The following NPAS3 variants were observed in gnomAD, a reference collection of about 807,000 sequenced individuals.
The protein encoded by NPAS3 is neuronal PAS domain protein 3.
NPAS3 carries 14 observed loss-of-function variants against 73.1 expected under a neutral mutation model. The ratio of observed to expected loss-of-function variants is 0.19; its 90% confidence interval spans 0.13 to 0.30. The LOEUF is 0.30. Ranked by LOEUF, NPAS3 falls within the 10% of genes least tolerant of loss-of-function variation. The pLI is 1.00. For synonymous variants in NPAS3, 620 were observed against 541.5 expected (o/e 1.14, Z -2.01); for missense variants, 1,096 against 1,250.0 (o/e 0.88, Z 1.86).
chr14:33,504,979 G>A (rs1001034302), intron 4 of NPAS3, among the ~76,000 whole-genome samples: 8 of 151,904 alleles, frequency 5.3e-5, no homozygotes, highest in African/African-American at 9.7e-5. Flanking sequence ...TGGAAAGACC[G>A]GCCAATAATT....
chr14:32,939,603 C>T (rs1450049989), intron 1 of NPAS3, among the ~76,000 whole-genome samples: 2 of 111,154 alleles, frequency 1.8e-5, no homozygotes, highest in African/African-American at 7.3e-5. Context: ...CTCGGCTCGG[C>T]GAATAGAGTG....
At chr14:33,194,485 T>C (rs2046280713) in intron 2 of NPAS3, among the ~76,000 whole-genome samples, 1 of 152,154 alleles carries the variant, frequency 6.6e-6, no homozygotes, top group South Asian at 2.1e-4. Context: ...ACTTAAACAG[T>C]GTTTATACTA....
chr14:33,701,687 G>T (rs2060527018), intron 6 of NPAS3, among the ~76,000 whole-genome samples: 1 of 152,138 alleles, frequency 6.6e-6, no homozygotes. Flanking sequence ...TTCTACACAG[G>T]AGTATTTAGA....
intron 2 of NPAS3, among the ~76,000 whole-genome samples, chr14:33,119,975 A>G (rs2043182322): frequency 6.6e-6 from 1 of 152,012 alleles, no homozygotes; most frequent in South Asian, 2.1e-4. Flanking sequence ...GTCATTAAAG[A>G]TCATCTCTGC....
intron 1 of NPAS3, among the ~76,000 whole-genome samples, chr14:32,977,662 G>A (rs1486061466): frequency 6.6e-6 from 1 of 152,136 alleles, no homozygotes; most frequent in Non-Finnish European, 1.5e-5. Context: ...AGCCCAGGAG[G>A]TTGAGGCTGC....
At chr14:32,981,127 A>T (rs887663963) in intron 1 of NPAS3, among the ~76,000 whole-genome samples, 3 of 152,098 alleles carry the variant, frequency 2.0e-5, no homozygotes, top group East Asian at 3.9e-4. Context: ...CAGGTTTGGC[A>T]TTTCTCCTCA....
At chr14:32,984,516 A>G (rs2038022649) in intron 1 of NPAS3, among the ~76,000 whole-genome samples, 1 of 152,212 alleles carries the variant, frequency 6.6e-6, no homozygotes, top group Non-Finnish European at 1.5e-5. Context: ...GTAACTAAAT[A>G]CTTATGCTTC....
chr14:33,497,321 C>G (rs2052251794), intron 4 of NPAS3, among the ~76,000 whole-genome samples: 1 of 152,138 alleles, frequency 6.6e-6, no homozygotes, highest in Non-Finnish European at 1.5e-5. Flanking sequence ...CTACCATTTT[C>G]TTTCCTCACA....
At chr14:33,419,368 G>A (rs189270280) in intron 4 of NPAS3, among the ~76,000 whole-genome samples, 24 of 151,886 alleles carry the variant, frequency 1.6e-4, no homozygotes, top group Non-Finnish European at 2.5e-4. Flanking sequence ...TATAAATTAT[G>A]TATATTTTAT....
At chr14:33,662,538 G>T (rs890245391) in intron 5 of NPAS3, among the ~76,000 whole-genome samples, 2 of 152,184 alleles carry the variant, frequency 1.3e-5, no homozygotes, top group African/African-American at 4.8e-5. Context: ...ATTACCTTGG[G>T]CAGTATGGCC....
intron 4 of NPAS3, among the ~76,000 whole-genome samples, chr14:33,510,055 T>C (rs1418819216): frequency 1.3e-5 from 2 of 152,042 alleles, no homozygotes; most frequent in African/African-American, 4.8e-5. Flanking sequence ...ATCAGAGGTC[T>C]GACAAAGGAG....
At chr14:33,550,614 T>G (rs1019973691) in intron 4 of NPAS3, among the ~76,000 whole-genome samples, 24 of 152,234 alleles carry the variant, frequency 1.6e-4, no homozygotes, top group African/African-American at 5.5e-4. Context: ...CCTTCTCACC[T>G]AGACTCAGCA....
chr14:33,263,647 A>G (rs1464880159), intron 3 of NPAS3, among the ~76,000 whole-genome samples: 1 of 152,082 alleles, frequency 6.6e-6, no homozygotes, highest in Non-Finnish European at 1.5e-5. Flanking sequence ...TTTTTTTCCA[A>G]TTCTGTGAAG....
At chr14:32,979,505 G>A (rs1305141109) in intron 1 of NPAS3, among the ~76,000 whole-genome samples, 1 of 151,984 alleles carries the variant, frequency 6.6e-6, no homozygotes, top group Admixed American at 6.6e-5. Context: ...TCAGTGTAAG[G>A]TCACATCGGT....
At chr14:33,468,707 G>A (rs1175199814) in intron 4 of NPAS3, among the ~76,000 whole-genome samples, 1 of 152,028 alleles carries the variant, frequency 6.6e-6, no homozygotes, top group Non-Finnish European at 1.5e-5. Context: ...TACAAGAGTG[G>A]TCATCGTTCA....
At chr14:33,498,269 T>C (rs2052313767) in intron 4 of NPAS3, among the ~76,000 whole-genome samples, 1 of 152,170 alleles carries the variant, frequency 6.6e-6, no homozygotes, top group Admixed American at 6.5e-5. Context: ...TCCACCATTG[T>C]GGAAGACAGT....
intron 3 of NPAS3, among the ~76,000 whole-genome samples, chr14:33,304,222 G>A (rs769118088): frequency 5.3e-5 from 8 of 152,188 alleles, no homozygotes; most frequent in Non-Finnish European, 7.3e-5. Flanking sequence ...ATTTAATGTG[G>A]AACTTGAAGT....
intron 2 of NPAS3, among the ~76,000 whole-genome samples, chr14:33,131,203 T>C (rs2043623189): frequency 1.3e-5 from 2 of 152,166 alleles, no homozygotes; most frequent in Non-Finnish European, 1.5e-5. Flanking sequence ...TAGTCTCTCT[T>C]GTGTAGTAAA....
intron 3 of NPAS3, among the ~76,000 whole-genome samples, chr14:33,330,215 C>CACT (rs2043920702): frequency 6.6e-6 from 1 of 152,114 alleles, no homozygotes; most frequent in Admixed American, 6.5e-5. Context: ...TGCACTCCAG[C>CACT]CTGGGTGACA....
Sources: gnomAD v4.1 joint callset for allele counts (sites outside exome capture counted in the v4.1 genomes callset) on GRCh38, gnomAD v4.1.1 for gene constraint, MANE v1.5 for transcripts, NCBI Gene and HGNC (gene_info 2026-07-23, HGNC 2026-07-21) for gene names.